Variants in MMP26 observed in about 807,000 individuals in gnomAD.
The protein encoded by MMP26 is matrix metallopeptidase 26.
MMP26 carries 33 observed loss-of-function variants against 31.0 expected under a neutral mutation model. That is an observed-to-expected ratio of 1.06 (90% CI 0.81 to 1.42). The LOEUF (loss-of-function observed/expected upper bound fraction) is 1.42, where lower values mean the gene tolerates loss of function less well. Among genes scored for constraint, MMP26 ranks in the 40% most tolerant of loss-of-function variants. MMP26 has a pLI of 0.00. For missense variants in MMP26, 347 were observed against 316.1 expected (o/e 1.10, Z -0.74); for synonymous variants, 122 against 114.9 (o/e 1.06, Z -0.40).
intron 2 of MMP26, chr11:4,945,234 CA>C (rs1269315438): frequency 1.3e-5 from 2 of 151,696 alleles, no homozygotes; most frequent in Non-Finnish European, 1.5e-5. Flanking sequence ...GAAATTAAGC[CA>C]AAATTTAAAG....
chr11:4,869,173 T>C (rs1440807903), intron 2 of MMP26, among the ~76,000 whole-genome samples: 1 of 152,126 alleles, frequency 6.6e-6, no homozygotes, highest in African/African-American at 2.4e-5. Context: ...ACATCATGTC[T>C]AAAACACCAA....
chr11:4,854,211 G>T lies in MMP26; in HGVS notation c.-145+86870G>T, dbSNP rs148920917. ...GAGGCACCAGGTTCATCTCACTGGG[G>T]CTTGTTGGACAGTGGGTGCAGGCCA... On this transcript the variant is annotated intron_variant, in intron 2 of 7. Coordinates refer to ENST00000380390, the MANE Select transcript of MMP26 (RefSeq NM_021801.5). Among the ~76,000 whole-genome samples, 230 of 152,296 alleles carry T rather than the reference G, an allele frequency of 1.5e-3. 1 individual carries two copies. In the East Asian group the frequency reaches 0.018, roughly 12 times the overall value.
chr11:4,886,880 G>T (rs1390331329), intron 2 of MMP26, among the ~76,000 whole-genome samples: 2 of 151,586 alleles, frequency 1.3e-5, no homozygotes, highest in Non-Finnish European at 2.9e-5. Context: ...TTTAATCAGA[G>T]AATTTTTCCC....
intron 2 of MMP26, among the ~76,000 whole-genome samples, chr11:4,836,732 C>T (rs1430424572): frequency 1.4e-5 from 2 of 147,292 alleles, no homozygotes; most frequent in Admixed American, 6.8e-5. Context: ...CAATCTCTGC[C>T]CACTGCAACT....
At chr11:4,882,562 C>T (rs1564799854) in intron 2 of MMP26, 2 of 1,613,778 alleles carry the variant, frequency 1.2e-6, no homozygotes, top group Non-Finnish European at 1.7e-6. Context: ...TCTCCTATGT[C>T]CTGATCCTCC....
At chr11:4,759,600 G>A (rs113751556) in intron 1 of MMP26, among the ~76,000 whole-genome samples, 9,980 of 152,210 alleles carry the variant, frequency 0.066, 399 homozygotes, top group Non-Finnish European at 0.096. Flanking sequence ...TATTACATAT[G>A]AGACCGTGCT....
chr11:4,770,728 A>C (rs1848704636), intron 2 of MMP26, among the ~76,000 whole-genome samples: 1 of 152,136 alleles, frequency 6.6e-6, no homozygotes, highest in African/African-American at 2.4e-5. Flanking sequence ...CTGTAGTCCC[A>C]GCTACTTGGG....
chr11:4,919,923 T>TGG (rs1851157183), intron 2 of MMP26, among the ~76,000 whole-genome samples: 2 of 152,138 alleles, frequency 1.3e-5, no homozygotes, highest in Non-Finnish European at 2.9e-5. Flanking sequence ...AACTCAGTCC[T>TGG]TTGTTTCCAG....
chr11:4,812,971 A>G (rs780576089), intron 2 of MMP26, among the ~76,000 whole-genome samples: 3 of 151,328 alleles, frequency 2.0e-5, no homozygotes, highest in Admixed American at 6.6e-5. Context: ...TATTTTATGT[A>G]TATATTTATA....
chr11:4,707,134 T>G (rs991617166), intron 1 of MMP26, among the ~76,000 whole-genome samples: 1 of 152,218 alleles, frequency 6.6e-6, no homozygotes, highest in South Asian at 2.1e-4. Flanking sequence ...TGCATGATTT[T>G]ACATTCTCTC....
At chr11:4,711,570 T>G (rs977803260) in intron 1 of MMP26, 1 of 152,200 alleles carries the variant, frequency 6.6e-6, no homozygotes, top group African/African-American at 2.4e-5. Flanking sequence ...CCAGTGGGTC[T>G]TCACAGATCT....
At chr11:4,821,283 A>G in intron 2 of MMP26, 2 of 987,034 alleles carry the variant, frequency 2.0e-6, no homozygotes, top group Non-Finnish European at 3.0e-6. Flanking sequence ...GAAGCTAAAA[A>G]GAAAATTCAA....
chr11:4,833,931 C>A (rs1193394232), intron 2 of MMP26, among the ~76,000 whole-genome samples: 1 of 152,122 alleles, frequency 6.6e-6, no homozygotes, highest in Non-Finnish European at 1.5e-5. Flanking sequence ...TTCCACAGGA[C>A]AAGAGTTACG....
intron 2 of MMP26, among the ~76,000 whole-genome samples, chr11:4,934,519 G>A (rs1311698349): frequency 7.0e-6 from 1 of 141,926 alleles, no homozygotes; most frequent in East Asian, 2.0e-4. Context: ...CTCCCATGTT[G>A]TAGGTTGCCT....
intron 1 of MMP26, among the ~76,000 whole-genome samples, chr11:4,763,232 A>G (rs774688892): frequency 1.3e-5 from 2 of 152,176 alleles, no homozygotes; most frequent in Non-Finnish European, 2.9e-5. Context: ...ACCAGTTTGA[A>G]TGGTGAAAAT....
At chr11:4,970,794 A>G (rs902841955) in intron 2 of MMP26, among the ~76,000 whole-genome samples, 2 of 152,188 alleles carry the variant, frequency 1.3e-5, no homozygotes, top group Non-Finnish European at 2.9e-5. Flanking sequence ...TCAGGTCATC[A>G]GGCATTGTGC....
chr11:4,822,492 T>C, intron 2 of MMP26: 1 of 903,152 alleles, frequency 1.1e-6, no homozygotes, highest in Non-Finnish European at 1.5e-6. Context: ...AATTTATAGG[T>C]TATGTGACAT....
At chr11:4,816,723 A>G (rs985557590) in intron 2 of MMP26, among the ~76,000 whole-genome samples, 2 of 80,718 alleles carry the variant, frequency 2.5e-5, no homozygotes, top group Non-Finnish European at 4.4e-5. Flanking sequence ...TTTTTTTTTG[A>G]AATAGAGTCT....
At chr11:4,928,917 G>T (rs1851308949) in intron 2 of MMP26, among the ~76,000 whole-genome samples, 1 of 152,138 alleles carries the variant, frequency 6.6e-6, no homozygotes, top group Non-Finnish European at 1.5e-5. Flanking sequence ...ACAATGAAAT[G>T]TAATGGAACA....
Sources: gnomAD v4.1 joint callset for allele counts (sites outside exome capture counted in the v4.1 genomes callset) on GRCh38, gnomAD v4.1.1 for gene constraint, MANE v1.5 for transcripts, NCBI Gene and HGNC (gene_info 2026-07-23, HGNC 2026-07-21) for gene names.